ABCC4: variants seen among roughly 807,000 people sequenced by gnomAD.
ABCC4 encodes ATP binding cassette subfamily C member 4 (PEL blood group).
ABCC4 carries 102 observed loss-of-function variants against 168.5 expected under a neutral mutation model. The ratio of observed to expected loss-of-function variants is 0.61; its 90% confidence interval spans 0.52 to 0.71. The LOEUF (loss-of-function observed/expected upper bound fraction) is 0.71, where lower values mean the gene tolerates loss of function less well. Among genes scored for constraint, ABCC4 ranks in the 30% least tolerant of loss-of-function variants. The pLI is 0.00. For synonymous variants in ABCC4, 617 were observed against 590.7 expected (o/e 1.04, Z -0.65); for missense variants, 1,402 against 1,605.8 (o/e 0.87, Z 2.17).
chr13:95,238,424 C>T (rs188242309), intron 3 of ABCC4, among the ~76,000 whole-genome samples: 5 of 152,182 alleles, frequency 3.3e-5, no homozygotes, highest in Admixed American at 3.3e-4. Flanking sequence ...ACATTTAGGG[C>T]CAATTGATCA....
intron 21 of ABCC4, among the ~76,000 whole-genome samples, chr13:95,078,914 T>A (rs2033999999): frequency 6.6e-6 from 1 of 152,190 alleles, no homozygotes; most frequent in African/African-American, 2.4e-5. Context: ...GAGATCCAAG[T>A]CGCCACTGTT....
chr13:95,024,211 A>AAC (rs2031260465), intron 30 of ABCC4, among the ~76,000 whole-genome samples: 1 of 68,182 alleles, frequency 1.5e-5, no homozygotes, highest in Non-Finnish European at 3.5e-5. Context: ...TGTCTCAAAA[A>AAC]AAAAAAAAAA....
At chr13:95,260,877 T>C (rs970997160) in intron 1 of ABCC4, among the ~76,000 whole-genome samples, 2 of 151,734 alleles carry the variant, frequency 1.3e-5, no homozygotes, top group African/African-American at 4.8e-5. Context: ...CTTGCATCCT[T>C]TTATTCAAGC....
At chr13:95,059,619 C>G (rs1173193576) in intron 26 of ABCC4, among the ~76,000 whole-genome samples, 1 of 146,844 alleles carries the variant, frequency 6.8e-6, no homozygotes, top group Non-Finnish European at 1.5e-5. Flanking sequence ...TTAGATTTCT[C>G]TCTTAGGCTT....
At chr13:95,206,804 A>G (rs6413442) in intron 7 of ABCC4, 23 bp from the exon 8 acceptor site, 1 of 1,611,246 alleles carries the variant, frequency 6.2e-7, no homozygotes, top group East Asian at 2.2e-5. Context: ...ACAGGTTTTT[A>G]AAAAAGCAGT....
chr13:95,202,736 C>G (rs963741587), intron 8 of ABCC4, among the ~76,000 whole-genome samples: 1 of 151,330 alleles, frequency 6.6e-6, no homozygotes, highest in Non-Finnish European at 1.5e-5. Flanking sequence ...GCAACCTCCA[C>G]CTCCCGGGTT....
At chr13:95,066,676 G>T (rs1309082133) in intron 25 of ABCC4, among the ~76,000 whole-genome samples, 2 of 152,210 alleles carry the variant, frequency 1.3e-5, no homozygotes, top group Admixed American at 1.3e-4. Flanking sequence ...GGCTTAGTAA[G>T]ATTGATTAAA....
chr13:95,169,925 C>T (rs1251548940), intron 14 of ABCC4, among the ~76,000 whole-genome samples: 4 of 152,178 alleles, frequency 2.6e-5, no homozygotes, highest in Admixed American at 6.5e-5. Context: ...GGCATGATCT[C>T]GGCTCACTAC....
intron 8 of ABCC4, among the ~76,000 whole-genome samples, chr13:95,202,677 T>C (rs954913360): frequency 4.9e-5 from 6 of 122,362 alleles, no homozygotes; most frequent in African/African-American, 1.9e-4. Context: ...TGAGATGGAG[T>C]CTCCTCTGTC....
At chr13:95,204,506 T>C (rs1453598182) in intron 8 of ABCC4, among the ~76,000 whole-genome samples, 1 of 152,138 alleles carries the variant, frequency 6.6e-6, no homozygotes, top group Non-Finnish European at 1.5e-5. Flanking sequence ...TATACGCGTC[T>C]GGCATTTTCC....
At chr13:95,266,597 C>G (rs139348584) in intron 1 of ABCC4, among the ~76,000 whole-genome samples, 1 of 152,120 alleles carries the variant, frequency 6.6e-6, no homozygotes, top group Non-Finnish European at 1.5e-5. Context: ...TCCTGGGGCA[C>G]GCAGTTTGCA....
At chr13:95,097,237 T>C (rs187750053) in intron 20 of ABCC4, among the ~76,000 whole-genome samples, 57 of 152,268 alleles carry the variant, frequency 3.7e-4, no homozygotes, top group African/African-American at 1.3e-3. Flanking sequence ...ATATATTCTA[T>C]TCACTGCAAA....
At chr13:95,068,468 T>C (rs2033621005) in intron 25 of ABCC4, among the ~76,000 whole-genome samples, 1 of 151,932 alleles carries the variant, frequency 6.6e-6, no homozygotes, top group Admixed American at 6.6e-5. Context: ...CCACTAAATA[T>C]ACAAAAATTA....
intron 20 of ABCC4, among the ~76,000 whole-genome samples, chr13:95,107,042 A>C (rs2035031526): frequency 6.6e-6 from 1 of 152,098 alleles, no homozygotes; most frequent in African/African-American, 2.4e-5. Flanking sequence ...GGACCACCTG[A>C]GGTCAGGAGT....
intron 19 of ABCC4, among the ~76,000 whole-genome samples, chr13:95,119,658 AC>A: frequency 6.6e-6 from 1 of 152,304 alleles, no homozygotes; most frequent in African/African-American, 2.4e-5. Context: ...CATGACGAAG[AC>A]TTCCCAATTC....
chr13:95,209,126 T>TTTTG (rs2038874688), intron 6 of ABCC4, among the ~76,000 whole-genome samples: 1 of 152,236 alleles, frequency 6.6e-6, no homozygotes, highest in Non-Finnish European at 1.5e-5. Context: ...CATTTCAATT[T>TTTTG]ATCATTATTC....
intron 19 of ABCC4, among the ~76,000 whole-genome samples, chr13:95,123,760 A>C (rs1035240818): frequency 6.6e-6 from 1 of 152,242 alleles, no homozygotes; most frequent in Non-Finnish European, 1.5e-5. Context: ...GCACACACGC[A>C]GGTGGCAGAA....
chr13:95,180,282 G>C (rs768972126), intron 11 of ABCC4, among the ~76,000 whole-genome samples: 17 of 152,092 alleles, frequency 1.1e-4, no homozygotes, highest in Admixed American at 1.0e-3. Flanking sequence ...GGCCAGGCAC[G>C]GTGGCTCACG....
intron 19 of ABCC4, among the ~76,000 whole-genome samples, chr13:95,126,284 G>A (rs2035758137): frequency 6.6e-6 from 1 of 152,016 alleles, no homozygotes; most frequent in South Asian, 2.1e-4. Context: ...ATACCAAGCG[G>A]TCTACAAGAA....
Sources: allele counts gnomAD v4.1 joint callset (sites outside exome capture counted in the v4.1 genomes callset), GRCh38; gene constraint gnomAD v4.1.1; transcripts MANE v1.5; gene names NCBI Gene and HGNC (gene_info 2026-07-23, HGNC 2026-07-21).